Variants in SGCZ observed in about 807,000 individuals in gnomAD.
The protein encoded by SGCZ is zeta-sarcoglycan.
A neutral mutation model predicts 41.3 loss-of-function variants in SGCZ; 40 were observed. The observed-to-expected ratio is 0.97, with a 90% CI of 0.75 to 1.26. The LOEUF (loss-of-function observed/expected upper bound fraction) is 1.26. SGCZ is among the 50% of genes most tolerant of loss of function. The pLI, the probability that SGCZ is intolerant of heterozygous loss-of-function variation, is 0.00. For missense variants in SGCZ, 552 were observed against 369.8 expected, an observed-to-expected ratio of 1.49 and a Z score of -4.04; for synonymous variants, 206 against 137.5, an observed-to-expected ratio of 1.50 and a Z score of -3.49.
intron 4 of SGCZ, among the ~76,000 whole-genome samples, chr8:14,174,007 G>A (rs369911975): frequency 1.1e-4 from 17 of 152,082 alleles, no homozygotes; most frequent in African/African-American, 3.9e-4. Context: ...AGGATAAAGA[G>A]TTTTAAAAAG....
chr8:14,993,173 T>A (rs1011675534), intron 1 of SGCZ, among the ~76,000 whole-genome samples: 1 of 152,198 alleles, frequency 6.6e-6, no homozygotes, highest in African/African-American at 2.4e-5. Flanking sequence ...TTCCTTGAGG[T>A]TAGTCTGACA....
At chr8:14,892,995 AG>A (rs1387679500) in intron 1 of SGCZ, among the ~76,000 whole-genome samples, 1 of 152,198 alleles carries the variant, frequency 6.6e-6, no homozygotes, top group Non-Finnish European at 1.5e-5. Flanking sequence ...AGCATATGGT[AG>A]GCAGAAGAAT....
intron 2 of SGCZ, among the ~76,000 whole-genome samples, chr8:14,547,762 A>G (rs531423027): frequency 6.6e-6 from 1 of 152,308 alleles, no homozygotes; most frequent in South Asian, 2.1e-4. Flanking sequence ...CTAAGAAGCT[A>G]GTCTTGGAGC....
intron 1 of SGCZ, among the ~76,000 whole-genome samples, chr8:15,232,288 T>C (rs192233509): frequency 7.7e-4 from 118 of 152,320 alleles, no homozygotes; most frequent in South Asian, 4.1e-3. Flanking sequence ...CTCGTGTAGC[T>C]ATGATTTTGA....
intron 1 of SGCZ, among the ~76,000 whole-genome samples, chr8:14,963,639 T>C (rs1801038760): frequency 6.6e-6 from 1 of 152,196 alleles, no homozygotes; most frequent in African/African-American, 2.4e-5. Flanking sequence ...TGAGCCACTG[T>C]TGCCTGGCCT....
chr8:14,873,296 A>T (rs1253840993), intron 1 of SGCZ, among the ~76,000 whole-genome samples: 1 of 152,158 alleles, frequency 6.6e-6, no homozygotes, highest in Non-Finnish European at 1.5e-5. Context: ...TGAGTTATTC[A>T]TTGCATGTGT....
intron 1 of SGCZ, among the ~76,000 whole-genome samples, chr8:15,215,844 G>A (rs1430207798): frequency 6.6e-6 from 1 of 152,134 alleles, no homozygotes; most frequent in Non-Finnish European, 1.5e-5. Flanking sequence ...TTCTTTGGCA[G>A]CCTGTATGCA....
intron 2 of SGCZ, among the ~76,000 whole-genome samples, chr8:14,394,561 T>A (rs1233711712): frequency 6.6e-6 from 1 of 152,170 alleles, no homozygotes; most frequent in South Asian, 2.1e-4. Flanking sequence ...TCATGGTTGG[T>A]TTTACGAGCC....
chr8:14,300,618 G>A (rs1482469002), intron 3 of SGCZ, among the ~76,000 whole-genome samples: 1 of 151,982 alleles, frequency 6.6e-6, no homozygotes, highest in Non-Finnish European at 1.5e-5. Flanking sequence ...TTAAACTTGG[G>A]AGTGCCTCAC....
intron 2 of SGCZ, among the ~76,000 whole-genome samples, chr8:14,408,908 A>G (rs983719552): frequency 6.6e-6 from 1 of 151,842 alleles, no homozygotes; most frequent in Admixed American, 6.6e-5. Context: ...ATGAATATAT[A>G]TTTTTATTAC....
intron 1 of SGCZ, among the ~76,000 whole-genome samples, chr8:15,151,134 G>A (rs1243756259): frequency 6.6e-6 from 1 of 152,210 alleles, no homozygotes; most frequent in Non-Finnish European, 1.5e-5. Flanking sequence ...TCTATTCAGA[G>A]GACTACTGCG....
intron 2 of SGCZ, among the ~76,000 whole-genome samples, chr8:14,514,222 G>A (rs529107542): frequency 6.6e-6 from 1 of 151,790 alleles, no homozygotes; most frequent in African/African-American, 2.4e-5. Context: ...CATTAGAAAT[G>A]CATTATTTTA....
Position 14,699,753 on chromosome 8 carries a change from C to A in SGCZ, c.40-144827G>T, listed in dbSNP as rs551239406. On this transcript the variant is annotated intron_variant, in intron 1 of 7. Transcript: ENST00000382080. ...TCTAATATCCAGAACCCGTAAGGAA[C>A]CTAAAAATTTCAACAAGCAAAAAAC... is the stretch of plus-strand genomic sequence containing the variant. Among the ~76,000 whole-genome samples, 17 of 151,726 alleles carry A rather than the reference C, an allele frequency of 1.1e-4. 1 individual carries two copies. Among genetic ancestry groups the A allele is most frequent in the Non-Finnish European group, 7.4e-5 (5 of 67,872 alleles).
At chr8:14,847,126 A>AAGAAAGAAG (rs761276429) in intron 1 of SGCZ, among the ~76,000 whole-genome samples, 5 of 126,362 alleles carry the variant, frequency 4.0e-5, no homozygotes, top group Admixed American at 2.5e-4. Flanking sequence ...GAAGAAGAAG[A>AAGAAAGAAG]AAGAAGAAGA....
At chr8:14,337,141 A>T (rs1196563460) in intron 2 of SGCZ, among the ~76,000 whole-genome samples, 1 of 152,098 alleles carries the variant, frequency 6.6e-6, no homozygotes, top group Non-Finnish European at 1.5e-5. Context: ...CACCCCTCCC[A>T]ATATATGGCT....
At chr8:14,877,268 A>G (rs147074019) in intron 1 of SGCZ, among the ~76,000 whole-genome samples, 3,560 of 152,218 alleles carry the variant, frequency 0.023, 49 homozygotes, top group Middle Eastern at 0.044. Context: ...CCACCACACC[A>G]AGCCAGAGCC....
At chr8:14,432,573 G>T (rs1002819915) in intron 2 of SGCZ, among the ~76,000 whole-genome samples, 15 of 152,134 alleles carry the variant, frequency 9.9e-5, no homozygotes, top group African/African-American at 3.6e-4. Flanking sequence ...TGAGTGCAGT[G>T]TATACTGCTC....
chr8:14,828,580 T>C (rs1452704746), intron 1 of SGCZ, among the ~76,000 whole-genome samples: 2 of 152,158 alleles, frequency 1.3e-5, no homozygotes, highest in Admixed American at 6.5e-5. Flanking sequence ...CTTCATCCAG[T>C]ACAGTTCTGA....
At chr8:15,054,606 G>A (rs1031360444) in intron 1 of SGCZ, among the ~76,000 whole-genome samples, 2 of 152,100 alleles carry the variant, frequency 1.3e-5, no homozygotes, top group Non-Finnish European at 2.9e-5. Flanking sequence ...GAATGTGTTA[G>A]CTCTACCATT....
Sources: gnomAD v4.1 joint callset for allele counts (sites outside exome capture counted in the v4.1 genomes callset) on GRCh38, gnomAD v4.1.1 for gene constraint, MANE v1.5 for transcripts, NCBI Gene and HGNC (gene_info 2026-07-23, HGNC 2026-07-21) for gene names.